MEIS3: variants seen among roughly 807,000 people sequenced by gnomAD.
MEIS3 encodes the protein Meis homeobox 3, also known as homeobox protein Meis3.
In MEIS3, 38 loss-of-function variants were observed where a neutral mutation model predicts 51.4. The observed-to-expected ratio is 0.74, with a 90% CI of 0.57 to 0.97. The LOEUF (loss-of-function observed/expected upper bound fraction) is 0.97, where lower values mean the gene tolerates loss of function less well. MEIS3 is among the 50% of genes least tolerant of loss of function. The pLI is 0.00. For synonymous variants in MEIS3, 198 were observed against 201.8 expected, an observed-to-expected ratio of 0.98 and a Z score of 0.16; for missense variants, 456 against 502.6, an observed-to-expected ratio of 0.91 and a Z score of 0.89.
chr19:47,406,511 C>T lies in MEIS3; in HGVS notation c.1094G>A (p.Ser365Asn), dbSNP rs757676539. 1 of 1,613,966 alleles carries T rather than the reference C, an allele frequency of 6.2e-7. No individual in the cohort carries two copies. The highest frequency in any genetic ancestry group is 8.5e-7 in the Non-Finnish European group (1 of 1,179,940). Residue 365 changes from serine to asparagine, a missense_variant, in exon 12 of 13, where the codon AGT becomes AAT. Ser to Asn is a conservative substitution (Grantham distance 46). Transcript: ENST00000558555. Reference sequence around the variant, plus strand: ...ATGCCATTCTCCTTCCAAGTTCAAACTCATCCCCACTGATCCTGGAAGACA... The same window carrying T: ...ATGCCATTCTCCTTCCAAGTTCAAATTCATCCCCACTGATCCTGGAAGACA... Reference protein sequence around the residue: ...AVRPPGSVGMSLNLEGEWHYL With the variant: ...AVRPPGSVGMNLNLEGEWHYL
chr19:47,406,851 C>G (rs1321962289), intron 11 of MEIS3, 37 bp downstream of exon 11: 1 of 1,527,462 alleles, frequency 6.5e-7, no homozygotes, highest in South Asian at 1.2e-5. Context: ...GGTCATGGTG[C>G]GCAGGGGCGG....
intron 1 of MEIS3, chr19:47,417,607 C>T (rs1019656887): frequency 1.0e-5 from 7 of 703,026 alleles, no homozygotes; most frequent in Non-Finnish European, 1.8e-5. Flanking sequence ...GGAGAGACGG[C>T]AGGGTCTGGC....
upstream of MEIS3, among the ~76,000 whole-genome samples, chr19:47,420,330 T>C (rs975104468): frequency 2.0e-5 from 3 of 152,028 alleles, no homozygotes; most frequent in African/African-American, 4.8e-5. Flanking sequence ...ATTTGCTTTT[T>C]TGGGGGGTGG....
In MEIS3 at chr19:47,409,444, C is replaced by A; in HGVS notation, c.701G>T (p.Ser234Ile). ...CCTCCCAAGATTCTCACCTTGGTCA[C>A]TGGAGTTGTCCCCACTCTGGGAGGC... ...GLASQSGDNS[S>I]DQGDGLDTSV... The change falls in exon 7 of 13, where the codon AGT becomes ATT. Residue 234 changes from serine to isoleucine, a missense_variant. Physicochemically the swap from Ser to Ile is moderately radical, Grantham distance 142. Coordinates refer to ENST00000558555, the MANE Select transcript of MEIS3 (RefSeq NM_001301059.2). 6.2e-7 allele frequency: 1 copy of A among 1,613,398 alleles called. No individual in the cohort carries two copies. Among genetic ancestry groups the A allele is most frequent in the Non-Finnish European group, 8.5e-7 (1 of 1,179,300 alleles).
chr19:47,419,131 G>A lies in MEIS3; in HGVS notation c.-50C>T. 1 of 1,225,390 alleles carries A rather than the reference G, an allele frequency of 8.2e-7. No homozygotes were observed. Among genetic ancestry groups the A allele is most frequent in the African/African-American group, 1.6e-5 (1 of 64,306 alleles). The allele number at this position is 1,225,390 out of a possible 1,614,324, so 75.9% of individuals were successfully genotyped here. On this transcript the variant is annotated 5_prime_UTR_variant, in exon 1 of 13. Coordinates refer to ENST00000558555, the MANE Select transcript of MEIS3 (RefSeq NM_001301059.2). Reference sequence around the variant, plus strand: ...GGGTCCCTCCAGAGCCTGGCCGCGGGGGAGGGCGCAGCCCGGGGCCGCAGC... The same window carrying A: ...GGGTCCCTCCAGAGCCTGGCCGCGGAGGAGGGCGCAGCCCGGGGCCGCAGC...
At chr19:47,411,192 C>T (rs934818355) in intron 6 of MEIS3, among the ~76,000 whole-genome samples, 1 of 152,186 alleles carries the variant, frequency 6.6e-6, no homozygotes, top group Non-Finnish European at 1.5e-5. Flanking sequence ...CCACTTCTGC[C>T]TCCCAAAGTC....
upstream of MEIS3, among the ~76,000 whole-genome samples, chr19:47,420,256 C>T (rs1330934589): frequency 6.6e-6 from 1 of 152,214 alleles, no homozygotes; most frequent in Non-Finnish European, 1.5e-5. Flanking sequence ...GTCTGCTCCA[C>T]CCCCACCTCA....
upstream of MEIS3, among the ~76,000 whole-genome samples, chr19:47,421,908 C>G (rs1046091433): frequency 2.6e-5 from 4 of 151,930 alleles, no homozygotes; most frequent in South Asian, 2.1e-4. Context: ...CTGTCCCCCC[C>G]ACCGTATCCT....
chr19:47,418,804 G>A, intron 1 of MEIS3: 2 of 372,258 alleles, frequency 5.4e-6, no homozygotes, highest in Non-Finnish European at 9.5e-6. Flanking sequence ...AGGAGAGTGG[G>A]GCAGACAGAG....
In MEIS3 at chr19:47,416,899, G is replaced by T; in HGVS notation, c.250C>A (p.Arg84Ser). 1 of 1,613,378 alleles carries T rather than the reference G, an allele frequency of 6.2e-7. No homozygotes were observed. The highest frequency in any genetic ancestry group is 8.5e-7 in the Non-Finnish European group (1 of 1,179,730). The change falls in exon 3 of 13, where the codon CGT becomes AGT. Residue 84 changes from arginine (R) to serine (S), a missense_variant. Physicochemically the swap from Arg to Ser is moderately radical, Grantham distance 110. Transcript: ENST00000558555. The part of the protein sequence containing the change: ...EKCELATCSP[R>S]DGAGAGLGTP... ...CCCAGCCCAGCTCCGGCCCCGTCACGGGGAGAGCATGTAGCCAGTTCACAT... is the reference window on the plus strand; with the variant it reads ...CCCAGCCCAGCTCCGGCCCCGTCACTGGGAGAGCATGTAGCCAGTTCACAT...
intron 6 of MEIS3, among the ~76,000 whole-genome samples, chr19:47,411,818 G>A (rs1273429479): frequency 6.6e-6 from 1 of 151,630 alleles, no homozygotes; most frequent in South Asian, 2.1e-4. Flanking sequence ...GGGATTACAG[G>A]TGTGAGCCAC....
chr19:47,405,258 TA>T (rs1186694536), intron 12 of MEIS3, among the ~76,000 whole-genome samples: 1 of 152,228 alleles, frequency 6.6e-6, no homozygotes, highest in Non-Finnish European at 1.5e-5. Flanking sequence ...GCCGCCATCA[TA>T]CCAGGCCACA....
At chr19:47,413,023 C>G (rs1220948451) in intron 6 of MEIS3, among the ~76,000 whole-genome samples, 1 of 151,846 alleles carries the variant, frequency 6.6e-6, no homozygotes, top group Non-Finnish European at 1.5e-5. Flanking sequence ...CTACATTTTC[C>G]TTTCTGTGAC....
chr19:47,416,629 G>C lies in MEIS3; in HGVS notation c.396+23C>G, dbSNP rs377423032. On this transcript the variant is annotated intron_variant, in intron 4 of 12. Transcript: ENST00000558555. ...AAGGAGACCCATTGGAGGAGGGGGT[G>C]TGGGGGAGGGCTCGGGTCTCACCAG... 2.1e-5 allele frequency: 32 copies of C among 1,506,272 alleles called. No homozygotes were observed. The African/African-American group carries it at 4.1e-4, about 19-fold the overall frequency. The allele number at this position is 1,506,272 out of a possible 1,614,324, so 93.3% of individuals were successfully genotyped here.
Position 47,414,915 on chromosome 19 carries a change from G to A in MEIS3, c.448-49C>T, listed in dbSNP as rs112739698. ...GGGGGGCCACCCACGGGGGCAGGGC[G>A]GGGGTGCTCAGGGACGGGGGCGGCA... On this transcript the variant is annotated intron_variant, in intron 5 of 12. Coordinates refer to ENST00000558555, the MANE Select transcript of MEIS3 (RefSeq NM_001301059.2). The A allele has an allele frequency of 5.6e-5, 72 of 1,284,038 alleles. 1 individual carries two copies. In the Middle Eastern group the frequency reaches 6.7e-4, roughly 12 times the overall value. The allele number at this position is 1,284,038 out of a possible 1,614,324, so 79.5% of individuals were successfully genotyped here.
At position 47,406,881 on chromosome 19, in the gene MEIS3, G is replaced by A; in HGVS notation, c.1078+7C>T. 6.4e-7 allele frequency: 1 copy of A among 1,565,816 alleles called. No homozygotes were observed. The highest frequency in any genetic ancestry group is 8.6e-7 in the Non-Finnish European group (1 of 1,158,536). Reference sequence around the variant, plus strand: ...GGGCGGGGCCTAGCTAAGGGGGCGAGGCTTACCCGGAGGCCGGACGGCCAC... The same window carrying A: ...GGGCGGGGCCTAGCTAAGGGGGCGAAGCTTACCCGGAGGCCGGACGGCCAC... On this transcript the variant is annotated splice_region_variant and intron_variant, in intron 11 of 12. Transcript: ENST00000558555.
chr19:47,406,954 T>G lies in MEIS3; in HGVS notation c.1012A>C (p.Ser338Arg). 1.9e-6 allele frequency: 3 copies of G among 1,577,940 alleles called. No individual in the cohort carries two copies. Among genetic ancestry groups the G allele is most frequent in the Non-Finnish European group, 2.6e-6 (3 of 1,162,582 alleles). The change falls in exon 11 of 13, where the codon AGC becomes CGC. Residue 338 changes from serine to arginine, a missense_variant. Coordinates refer to ENST00000558555, the MANE Select transcript of MEIS3 (RefSeq NM_001301059.2). ...SNRTGQGAAF[S>R]PEGQPIGGYT... ...CCCCCGATGGGCTGGCCCTCTGGGC[T>G]GAAGGCTGCACCCTGCCCTGCGAAG...
At chr19:47,412,809 C>G (rs1971203432) in intron 6 of MEIS3, among the ~76,000 whole-genome samples, 1 of 151,790 alleles carries the variant, frequency 6.6e-6, no homozygotes, top group African/African-American at 2.4e-5. Context: ...ACCTCGTGAT[C>G]TGCCCACCTC....
At chr19:47,405,605 C>T (rs917719806) in intron 12 of MEIS3, among the ~76,000 whole-genome samples, 57 of 149,004 alleles carry the variant, frequency 3.8e-4, no homozygotes, top group Middle Eastern at 3.4e-3. Flanking sequence ...CACTTTATTG[C>T]CCAGGTTGAT....
Sources: allele counts gnomAD v4.1 joint callset (sites outside exome capture counted in the v4.1 genomes callset), GRCh38; gene constraint gnomAD v4.1.1; transcripts MANE v1.5; gene names NCBI Gene and HGNC (gene_info 2026-07-23, HGNC 2026-07-21).